Variants in GABPB2 observed in about 807,000 individuals in gnomAD.
GABPB2 encodes GA binding protein transcription factor subunit beta 2.
In GABPB2, 23 loss-of-function variants were observed where a neutral mutation model predicts 39.1. The observed-to-expected ratio is 0.59, with a 90% CI of 0.42 to 0.83. The LOEUF is 0.83. Among genes scored for constraint, GABPB2 ranks in the 40% least tolerant of loss-of-function variants. The probability of loss-of-function intolerance (pLI) is 0.00; values close to 1 mark genes in which losing one functional copy is unlikely to be tolerated. For missense variants in GABPB2, 467 were observed against 541.1 expected (o/e 0.86, Z 1.36); for synonymous variants, 184 against 199.3 (o/e 0.92, Z 0.65).
At position 151,121,401 on chromosome 1, in the gene GABPB2, A is replaced by G. The variant is rs1415987225; in HGVS notation, c.*3145A>G. On this transcript the variant is annotated 3_prime_UTR_variant, in exon 9 of 9. Transcript: ENST00000368918. ...ATGCCTACACTTCCTCTGCCCAGAC[A>G]CTTTTGGAAAGTGTTTAACTGCTGG... 1 of 151,684 alleles carries G rather than the reference A, an allele frequency of 6.6e-6. No homozygotes were observed. The highest frequency in any genetic ancestry group is 1.5e-5 in the Non-Finnish European group (1 of 67,978). The allele number at this position is 151,684 out of a possible 1,614,324, so 9.4% of individuals were successfully genotyped here.
intron 1 of GABPB2, among the ~76,000 whole-genome samples, chr1:151,074,352 C>G (rs1485159865): frequency 6.7e-6 from 1 of 150,338 alleles, no homozygotes; most frequent in African/African-American, 2.4e-5. Context: ...GCTCTGTCGC[C>G]CAGGCTGGAG....
intron 1 of GABPB2, among the ~76,000 whole-genome samples, chr1:151,084,060 A>ATG (rs1298250278): frequency 6.7e-6 from 1 of 149,618 alleles, no homozygotes; most frequent in African/African-American, 2.4e-5. Context: ...TTATATATAT[A>ATG]AAAAAATATA....
chr1:151,075,126 A>G (rs191331927), intron 1 of GABPB2, among the ~76,000 whole-genome samples: 7 of 152,224 alleles, frequency 4.6e-5, no homozygotes, highest in Admixed American at 1.3e-4. Context: ...TGGGCGACAG[A>G]GTGAGACAGT....
At chr1:151,089,554 G>A (rs1281585734) in intron 2 of GABPB2, among the ~76,000 whole-genome samples, 1 of 152,026 alleles carries the variant, frequency 6.6e-6, no homozygotes, top group Admixed American at 6.6e-5. Context: ...CTTTACTGTG[G>A]CAAAAAACTT....
intron 3 of GABPB2, among the ~76,000 whole-genome samples, chr1:151,092,880 C>T (rs1678830429): frequency 2.0e-5 from 3 of 152,138 alleles, no homozygotes; most frequent in Admixed American, 2.0e-4. Context: ...TGAAGGTATT[C>T]TCTGCACTTA....
At chr1:151,077,449 C>T (rs749563699) in intron 1 of GABPB2, among the ~76,000 whole-genome samples, 11 of 150,636 alleles carry the variant, frequency 7.3e-5, no homozygotes, top group African/African-American at 2.2e-4. Context: ...CTCTACCTCC[C>T]GGATTCAAGT....
chr1:151,082,781 G>A (rs1246677876), intron 1 of GABPB2, among the ~76,000 whole-genome samples: 1 of 151,792 alleles, frequency 6.6e-6, no homozygotes, highest in Non-Finnish European at 1.5e-5. Context: ...TTTGAGACCA[G>A]CCTGGGCAAT....
chr1:151,119,259 G>A lies in GABPB2; in HGVS notation c.*1003G>A, dbSNP rs1220376210. The stretch of plus-strand genomic sequence containing the variant: ...GGAGGTCAAAACTGCAGTGAGCCAT[G>A]GTTGCACCACTGCTCTCCAGGCTTG... On this transcript the variant is annotated 3_prime_UTR_variant, in exon 9 of 9. Transcript: ENST00000368918. 1 of 152,218 alleles carries A rather than the reference G, an allele frequency of 6.6e-6. No individual in the cohort carries two copies. The allele number at this position is 152,218 out of a possible 1,614,324, so 9.4% of individuals were successfully genotyped here. A position where few individuals can be genotyped will look rare whatever the true frequency, so the allele number is the denominator to read the frequency against.
intron 1 of GABPB2, among the ~76,000 whole-genome samples, chr1:151,083,643 A>G (rs1413584963): frequency 2.8e-5 from 4 of 143,784 alleles, no homozygotes; most frequent in African/African-American, 7.9e-5. Context: ...CTATAGAGAG[A>G]AAAAAAAAAA....
rs771574933 is a variant in GABPB2 at position 151,118,051 on chromosome 1, A to T, written c.1142A>T (p.Glu381Val). The T allele has an allele frequency of 1.2e-6, 2 of 1,614,240 alleles. No individual in the cohort carries two copies. The highest frequency in any genetic ancestry group is 1.7e-5 in the Admixed American group (1 of 60,018). Residue 381 changes from glutamate to valine, a missense_variant, in exon 9 of 9, where the codon GAA becomes GTA. Transcript: ENST00000368918. ...YRHQLLKKEQ[E>V]AEQYRLKLEA... The stretch of plus-strand genomic sequence containing the variant: ...CACCAGCTCCTAAAGAAAGAGCAGG[A>T]AGCAGAACAGTACCGTCTTAAGCTG...
At chr1:151,092,111 T>C (rs924865130) in intron 3 of GABPB2, among the ~76,000 whole-genome samples, 1 of 138,976 alleles carries the variant, frequency 7.2e-6, no homozygotes, top group Non-Finnish European at 1.6e-5. Flanking sequence ...TTTTTTTTTT[T>C]TTTTTTTTTT....
chr1:151,110,178 A>C (rs1225444228), intron 7 of GABPB2, among the ~76,000 whole-genome samples: 1 of 151,286 alleles, frequency 6.6e-6, no homozygotes. Flanking sequence ...TATTTTTTGT[A>C]CAGACTGGGT....
chr1:151,124,878 T>C lies in GABPB2; in HGVS notation c.*6622T>C, dbSNP rs908888127. The stretch of plus-strand genomic sequence containing the variant: ...TTTTAGCCTCTTTAGTATTAGGGGG[T>C]GAGGTGACATTCCTAGACTCTACAG... On this transcript the variant is annotated 3_prime_UTR_variant, in exon 9 of 9. Transcript: ENST00000368918. The C allele has an allele frequency of 9.2e-5, 14 of 152,062 alleles. No homozygotes were observed. Among genetic ancestry groups the C allele is most frequent in the African/African-American group, 3.1e-4 (13 of 41,408 alleles). 9.4% of individuals were successfully genotyped at this position (152,062 alleles called of 1,614,324 possible). A position where few individuals can be genotyped will look rare whatever the true frequency, so the allele number is the denominator to read the frequency against.
chr1:151,098,946 T>C (rs1018168728), intron 5 of GABPB2, among the ~76,000 whole-genome samples: 3 of 151,826 alleles, frequency 2.0e-5, no homozygotes, highest in African/African-American at 7.2e-5. Context: ...TAGCCGGCTG[T>C]GGTGGTGGGT....
rs1204684559 is a variant in GABPB2 at position 151,122,521 on chromosome 1, T to C, written c.*4265T>C. ...AGATATCTTTTATTTATGTTCTCGG[T>C]GCATATGTTGACTTTAATCCCTCTT... is the stretch of plus-strand genomic sequence containing the variant. On this transcript the variant is annotated 3_prime_UTR_variant, in exon 9 of 9. Transcript: ENST00000368918. 1 of 152,154 alleles carries C rather than the reference T, an allele frequency of 6.6e-6. No homozygotes were observed. Among genetic ancestry groups the C allele is most frequent in the East Asian group, 1.9e-4 (1 of 5,194 alleles). 9.4% of individuals were successfully genotyped at this position (152,154 alleles called of 1,614,324 possible). A position where few individuals can be genotyped will look rare whatever the true frequency, so the allele number is the denominator to read the frequency against.
intron 1 of GABPB2, among the ~76,000 whole-genome samples, chr1:151,074,254 C>G (rs149528396): frequency 0.012 from 1,765 of 150,172 alleles, 44 homozygotes; most frequent in African/African-American, 0.041. Context: ...GGATTACAGG[C>G]GTGAGCCACC....
intron 7 of GABPB2, chr1:151,112,665 G>T: frequency 1.0e-5 from 2 of 200,582 alleles, no homozygotes; most frequent in South Asian, 9.7e-5. Context: ...GAGCAGACAT[G>T]ACAAGAGCAA....
chr1:151,097,940 C>T lies in GABPB2; in HGVS notation c.560C>T (p.Thr187Met), dbSNP rs896785154. The change falls in exon 5 of 9, where the codon ACG becomes ATG. Residue 187 changes from threonine (T) to methionine (M), a missense_variant. Thr to Met is a moderately conservative substitution (Grantham distance 81). Coordinates refer to ENST00000368918, the MANE Select transcript of GABPB2 (RefSeq NM_144618.3). The part of the protein sequence containing the change: ...PVSMAAPFIF[T>M]SGEVVNLASL... ...AGTATGGCTGCTCCATTCATCTTCACGTCGGGTGAGGTTGTTAACCTCGCA... is the reference window on the plus strand; with the variant it reads ...AGTATGGCTGCTCCATTCATCTTCATGTCGGGTGAGGTTGTTAACCTCGCA... 5.6e-6 allele frequency: 9 copies of T among 1,614,050 alleles called. No homozygotes were observed. The highest frequency in any genetic ancestry group is 4.5e-5 in the East Asian group (2 of 44,884).
At chr1:151,071,313 G>C (rs1676693215) in intron 1 of GABPB2, among the ~76,000 whole-genome samples, 1 of 152,150 alleles carries the variant, frequency 6.6e-6, no homozygotes, top group Admixed American at 6.5e-5. Flanking sequence ...GACAGACATT[G>C]GTGTGAGGAA....
Sources: allele counts gnomAD v4.1 joint callset (sites outside exome capture counted in the v4.1 genomes callset), GRCh38; gene constraint gnomAD v4.1.1; transcripts MANE v1.5; gene names NCBI Gene and HGNC (gene_info 2026-07-23, HGNC 2026-07-21).